CATSPERD: variants seen among roughly 807,000 people sequenced by gnomAD.
CATSPERD encodes the protein catsper channel auxiliary subunit delta.
A neutral mutation model predicts 98.1 loss-of-function variants in CATSPERD; 86 were observed. The ratio of observed to expected loss-of-function variants is 0.88; its 90% confidence interval spans 0.74 to 1.05. The LOEUF is 1.05. Ranked by LOEUF, CATSPERD falls within the 50% of genes least tolerant of loss-of-function variation. The pLI, the probability that CATSPERD is intolerant of heterozygous loss-of-function variation, is 0.00. For missense variants in CATSPERD, 995 were observed against 1,005.7 expected, an observed-to-expected ratio of 0.99 and a Z score of 0.14; for synonymous variants, 394 against 390.2, an observed-to-expected ratio of 1.01 and a Z score of -0.12.
intron 12 of CATSPERD, among the ~76,000 whole-genome samples, chr19:5,752,833 G>A (rs978902770): frequency 2.0e-5 from 3 of 151,958 alleles, no homozygotes; most frequent in African/African-American, 4.8e-5. Flanking sequence ...TTCGAGAGCA[G>A]CCTGGCCAAC....
At chr19:5,733,334 TC>T (rs1419529251) in intron 4 of CATSPERD, among the ~76,000 whole-genome samples, 161 of 130,068 alleles carry the variant, frequency 1.2e-3, no homozygotes, top group Middle Eastern at 3.9e-3. Context: ...TTTCTTTCTT[TC>T]CTTTCTTTCT....
At position 5,751,805 on chromosome 19, in the gene CATSPERD, C is replaced by A; in HGVS notation, c.1146C>A (p.Leu382=). 6.2e-7 allele frequency: 1 copy of A among 1,611,886 alleles called. No homozygotes were observed. The highest frequency in any genetic ancestry group is 1.1e-5 in the South Asian group (1 of 90,908). Residue 382 remains leucine, a synonymous_variant, in exon 12 of 22, where the codon CTC becomes CTA. Transcript: ENST00000381624. ...NIQALLMDPE[L]HVGKCKIEFL... is the part of the protein sequence containing the mutation. ...AGGCGCTTCTCATGGACCCTGAACT[C>A]CACGTTGGAAAGTGCAAGGTATGTG...
chr19:5,756,237 T>C (rs1247262393), intron 13 of CATSPERD, among the ~76,000 whole-genome samples: 3 of 151,164 alleles, frequency 2.0e-5, no homozygotes, highest in African/African-American at 7.3e-5. Context: ...GCTGAGACCA[T>C]GCCACTGCAC....
intron 15 of CATSPERD, among the ~76,000 whole-genome samples, chr19:5,762,654 T>C (rs1221121124): frequency 6.8e-6 from 1 of 147,504 alleles, no homozygotes; most frequent in African/African-American, 2.5e-5. Context: ...GATAAATGGA[T>C]AGATGGATGA....
At chr19:5,746,522 G>T (rs1387683003) in intron 9 of CATSPERD, among the ~76,000 whole-genome samples, 1 of 151,896 alleles carries the variant, frequency 6.6e-6, no homozygotes, top group Non-Finnish European at 1.5e-5. Context: ...TCCGCCTCCC[G>T]GGTTCACACC....
chr19:5,774,604 G>A (rs2056707918), intron 20 of CATSPERD, among the ~76,000 whole-genome samples: 1 of 152,042 alleles, frequency 6.6e-6, no homozygotes, highest in Non-Finnish European at 1.5e-5. Flanking sequence ...CAAGAGAATC[G>A]CTTGAACCTA....
At chr19:5,768,267 C>A in intron 18 of CATSPERD, 25 bp downstream of exon 18, 1 of 1,603,722 alleles carries the variant, frequency 6.2e-7, no homozygotes, top group Non-Finnish European at 8.5e-7. Flanking sequence ...CCCCGCAACA[C>A]CTGACACCCA....
chr19:5,772,104 G>A (rs1332694862), intron 19 of CATSPERD: 1 of 291,030 alleles, frequency 3.4e-6, no homozygotes, highest in East Asian at 1.4e-4. Context: ...CTGGAGTCCA[G>A]TGGCATGAAC....
In CATSPERD at chr19:5,749,010, G is replaced by C. The variant is rs1041727370; in HGVS notation, c.905-91G>C. ...CTCTCAAAGTGTTGGAATTACAGGC[G>C]TGAGCCACTGCACCCAACCACACTT... On this transcript the variant is annotated intron_variant, in intron 10 of 21. Transcript: ENST00000381624. 5 of 1,054,940 alleles carry C rather than the reference G, an allele frequency of 4.7e-6. No individual in the cohort carries two copies. In the African/African-American group the frequency reaches 8.1e-5, roughly 17 times the overall value. The allele number at this position is 1,054,940 out of a possible 1,614,324, so 65.3% of individuals were successfully genotyped here.
In CATSPERD at chr19:5,770,959, C is replaced by G. The variant is rs201916663; in HGVS notation, c.1650C>G (p.Pro550=). The G allele has an allele frequency of 1.9e-6, 3 of 1,610,336 alleles. No individual in the cohort carries two copies. Among genetic ancestry groups the G allele is most frequent in the Non-Finnish European group, 2.5e-6 (3 of 1,178,478 alleles). The change falls in exon 19 of 22, where the codon CCC becomes CCG. Residue 550 remains proline, a synonymous_variant. Coordinates refer to ENST00000381624, the MANE Select transcript of CATSPERD (RefSeq NM_152784.4). ...SFIIEKEFYD[P]GFQGQQSSED... is the part of the protein sequence containing the mutation. ...TGTCTTGAAGGGAATTCTACGACCC[C>G]GGCTTCCAGGGGCAGCAGTCCTCCG...
intron 1 of CATSPERD, among the ~76,000 whole-genome samples, chr19:5,721,389 G>A (rs1278714405): frequency 6.6e-6 from 1 of 151,562 alleles, no homozygotes; most frequent in African/African-American, 2.4e-5. Flanking sequence ...TCTGCTCACT[G>A]CAACCCCCGC....
intron 7 of CATSPERD, among the ~76,000 whole-genome samples, chr19:5,742,367 C>T (rs531735767): frequency 3.3e-5 from 5 of 151,930 alleles, no homozygotes; most frequent in South Asian, 2.1e-4. Context: ...TATGTTTGTG[C>T]GTGTGGCAGT....
chr19:5,756,858 G>A (rs561679876), intron 13 of CATSPERD, among the ~76,000 whole-genome samples: 4 of 151,936 alleles, frequency 2.6e-5, no homozygotes, highest in South Asian at 4.2e-4. Context: ...CATGAGAATC[G>A]CTTGAACCCA....
chr19:5,742,778 T>G (rs1378347153), intron 7 of CATSPERD, among the ~76,000 whole-genome samples: 3 of 151,856 alleles, frequency 2.0e-5, no homozygotes, highest in African/African-American at 7.3e-5. Context: ...GACGGAGAGA[T>G]ATCCTGTTGC....
intron 15 of CATSPERD, among the ~76,000 whole-genome samples, chr19:5,762,545 A>T (rs1458042256): frequency 2.0e-5 from 3 of 152,138 alleles, no homozygotes; most frequent in African/African-American, 4.8e-5. Flanking sequence ...AGAAGGATAA[A>T]TGGGTAGACA....
intron 17 of CATSPERD, 29 bp from the exon 18 acceptor site, chr19:5,768,139 C>T: frequency 1.2e-6 from 2 of 1,601,500 alleles, no homozygotes; most frequent in Non-Finnish European, 8.5e-7. Context: ...GAGGTCATGC[C>T]ATTGCTCAAT....
chr19:5,762,059 T>TATATATA (rs1491269022), intron 15 of CATSPERD, among the ~76,000 whole-genome samples: 1 of 18,636 alleles, frequency 5.4e-5, no homozygotes, highest in Non-Finnish European at 1.1e-4. Flanking sequence ...TATATATATA[T>TATATATA]TTTTTTTTTT....
At chr19:5,755,311 G>T (rs1254637068) in intron 13 of CATSPERD, among the ~76,000 whole-genome samples, 2 of 151,890 alleles carry the variant, frequency 1.3e-5, no homozygotes, top group Non-Finnish European at 2.9e-5. Context: ...ACAATTTTTT[G>T]ACTTTACAAT....
intron 20 of CATSPERD, 113 bp downstream of exon 20, chr19:5,773,078 G>C (rs1425619921): frequency 4.5e-6 from 5 of 1,118,836 alleles, no homozygotes; most frequent in Non-Finnish European, 6.3e-6. Context: ...AAGAGTTGGG[G>C]CGCGGTGGCT....
Sources: allele counts gnomAD v4.1 joint callset (sites outside exome capture counted in the v4.1 genomes callset), GRCh38; gene constraint gnomAD v4.1.1; transcripts MANE v1.5; gene names NCBI Gene and HGNC (gene_info 2026-07-23, HGNC 2026-07-21).